The following DNAH12 variants were observed in gnomAD, a reference collection of about 807,000 sequenced individuals.
DNAH12 encodes dynein axonemal heavy chain 12.
In DNAH12, 285 loss-of-function variants were observed where a neutral mutation model predicts 371.5. That is an observed-to-expected ratio of 0.77 (90% CI 0.70 to 0.85). The LOEUF is 0.85. Among genes scored for constraint, DNAH12 ranks in the 40% least tolerant of loss-of-function variants. The pLI, the probability that DNAH12 is intolerant of heterozygous loss-of-function variation, is 0.00. For synonymous variants in DNAH12, 1,200 were observed against 1,213.0 expected (o/e 0.99, Z 0.22); for missense variants, 3,611 against 3,689.4 (o/e 0.98, Z 0.55).
chr3:57,311,678 G>C (rs1459499910), intron 66 of DNAH12, among the ~76,000 whole-genome samples: 1 of 152,170 alleles, frequency 6.6e-6, no homozygotes, highest in African/African-American at 2.4e-5. Flanking sequence ...CAATACACAG[G>C]AGAGCTGCCC....
intron 25 of DNAH12, among the ~76,000 whole-genome samples, chr3:57,448,104 A>G (rs562738218): frequency 6.6e-6 from 1 of 152,332 alleles, no homozygotes; most frequent in South Asian, 2.1e-4. Flanking sequence ...TGTGAATAAT[A>G]AATATACTAG....
intron 35 of DNAH12, among the ~76,000 whole-genome samples, chr3:57,423,822 AT>A (rs200911652): frequency 6.6e-6 from 1 of 150,860 alleles, no homozygotes; most frequent in African/African-American, 2.4e-5. Flanking sequence ...TCCTGGTTTT[AT>A]TTTTTTTTGA....
intron 17 of DNAH12, among the ~76,000 whole-genome samples, chr3:57,465,460 A>G (rs941215564): frequency 6.6e-6 from 1 of 152,208 alleles, no homozygotes; most frequent in Non-Finnish European, 1.5e-5. Flanking sequence ...CAAAGACATT[A>G]CAAGAAAACT....
intron 34 of DNAH12, chr3:57,428,278 C>G: frequency 1.1e-6 from 1 of 893,706 alleles, no homozygotes; most frequent in African/African-American, 1.9e-5. Context: ...CCCTGGGAAG[C>G]TAATACAATA....
intron 13 of DNAH12, among the ~76,000 whole-genome samples, chr3:57,477,905 A>G (rs2066593318): frequency 6.6e-6 from 1 of 152,226 alleles, no homozygotes; most frequent in South Asian, 2.1e-4. Context: ...AAGGACATCT[A>G]CACCAAAACC....
At chr3:57,324,636 T>A (rs975121359) in intron 62 of DNAH12, among the ~76,000 whole-genome samples, 1 of 152,098 alleles carries the variant, frequency 6.6e-6, no homozygotes, top group Non-Finnish European at 1.5e-5. Context: ...GCTCCCAGCG[T>A]GAGCCACGCA....
At chr3:57,450,250 T>TAAAA (rs58958877) in intron 25 of DNAH12, among the ~76,000 whole-genome samples, 8 of 98,580 alleles carry the variant, frequency 8.1e-5, no homozygotes, top group Admixed American at 1.1e-4. Context: ...TGTCTCAATT[T>TAAAA]AAAAAAAAAA....
chr3:57,553,485 C>T, the DNAH12 span, among the ~76,000 whole-genome samples: 6 of 152,086 alleles, frequency 3.9e-5, no homozygotes, highest in Non-Finnish European at 7.4e-5. Flanking sequence ...TGCAGAGTTG[C>T]GCCAGGGAGG....
Position 57,301,840 on chromosome 3 carries a change from T to C in DNAH12, c.11289A>G (p.Leu3763=). 6.4e-7 allele frequency: 1 copy of C among 1,551,650 alleles called. No individual in the cohort carries two copies. The highest frequency in any genetic ancestry group is 8.7e-7 in the Non-Finnish European group (1 of 1,146,992). Residue 3763 remains leucine, a synonymous_variant, in exon 70 of 74, where the codon TTA becomes TTG. Transcript: ENST00000495027. ...ATATTTCTGGAACCTTTCCAACAAGTAAGCTACCGGAGAGTGCCTCCAATG... is the reference window on the plus strand; with the variant it reads ...ATATTTCTGGAACCTTTCCAACAAGCAAGCTACCGGAGAGTGCCTCCAATG... ...DSALEALSGS[L]LVGKVPEIWA...
In DNAH12 at chr3:57,514,116, G is replaced by A. The variant is rs930094134; in HGVS notation, c.280-3137C>T. ...ATTAAGTTAAAAACAAAATGCGGCC[G>A]GGTGCAGTGGCTCACGCCTGTAATC... On this transcript the variant is annotated intron_variant, in intron 4 of 73. Transcript: ENST00000495027. 8.5e-5 allele frequency among the ~76,000 whole-genome samples: 13 copies of A among 152,112 alleles called. 1 individual carries two copies. The highest frequency in any genetic ancestry group is 4.1e-4 in the South Asian group (2 of 4,836).
intron 60 of DNAH12, among the ~76,000 whole-genome samples, chr3:57,340,580 G>A (rs1199743409): frequency 5.3e-5 from 8 of 151,986 alleles, no homozygotes; most frequent in East Asian, 1.9e-4. Flanking sequence ...TGACACATAC[G>A]ACCTATCAAG....
upstream of DNAH12, among the ~76,000 whole-genome samples, chr3:57,545,684 T>C (rs1472388709): frequency 6.6e-6 from 1 of 151,650 alleles, no homozygotes; most frequent in Non-Finnish European, 1.5e-5. Context: ...CATCCCCACA[T>C]AACATAAAAA....
At chr3:57,548,208 C>T (rs2069593880), upstream of DNAH12, among the ~76,000 whole-genome samples, 1 of 152,120 alleles carries the variant, frequency 6.6e-6, no homozygotes, top group African/African-American at 2.4e-5. Context: ...TTTTAAAACA[C>T]ATATTAATAA....
rs553786662 is a variant in DNAH12, at chr3:57,457,736, G to A, written c.3321C>T (p.Ile1107=). 2.2e-5 allele frequency: 34 copies of A among 1,549,562 alleles called. No individual in the cohort carries two copies. Among genetic ancestry groups the A allele is most frequent in the African/African-American group, 2.7e-5 (2 of 73,092 alleles). Reference sequence around the variant, plus strand: ...GGAAACACACCAGCCTGGCTGCAGCGATCACATCGTGAACACTCCGGAGCA... The same window carrying A: ...GGAAACACACCAGCCTGGCTGCAGCAATCACATCGTGAACACTCCGGAGCA... ...DLMLRSVHDV[I]AAARLAYPES... is the part of the protein sequence containing the mutation. Residue 1107 remains isoleucine, a synonymous_variant, in exon 22 of 74, where the codon ATC becomes ATT. Coordinates refer to ENST00000495027, the MANE Select transcript of DNAH12 (RefSeq NM_001366028.2).
intron 34 of DNAH12, among the ~76,000 whole-genome samples, chr3:57,427,232 C>G (rs189028683): frequency 6.7e-6 from 1 of 150,246 alleles, no homozygotes; most frequent in East Asian, 1.9e-4. Context: ...ATGTTCTAAC[C>G]TGAGGAACCT....
chr3:57,399,988 G>A (rs1240556754), intron 43 of DNAH12, among the ~76,000 whole-genome samples: 1 of 152,142 alleles, frequency 6.6e-6, no homozygotes, highest in African/African-American at 2.4e-5. Context: ...TGTTTTGGGG[G>A]AGTCAAAAGT....
At chr3:57,315,859 C>T (rs771847905) in intron 65 of DNAH12, among the ~76,000 whole-genome samples, 2 of 151,950 alleles carry the variant, frequency 1.3e-5, no homozygotes, top group East Asian at 1.9e-4. Context: ...TGTCTACAGG[C>T]GAAGAAGGCT....
Position 57,334,802 on chromosome 3 carries a change from A to C in DNAH12, c.9813T>G (p.Phe3271Leu). ...ATCACCTGAGTCCTCTGAAGGCAGG[A>C]AATTCACTTGCCCGACAGATTTCCT... ...SWEEICRASE[F>L]PAFRGLRQHF... is the part of the protein sequence containing the mutation. Residue 3271 changes from phenylalanine (F) to leucine (L), a missense_variant, in exon 61 of 74, where the codon TTT becomes TTG. Transcript: ENST00000495027. 4 of 1,551,508 alleles carry C rather than the reference A, an allele frequency of 2.6e-6. No individual in the cohort carries two copies. Among genetic ancestry groups the C allele is most frequent in the Non-Finnish European group, 3.5e-6 (4 of 1,146,964 alleles).
rs1192172300 is a variant in DNAH12, at chr3:57,293,891, T to C, written c.11773A>G (p.Thr3925Ala). ...KTSERKGTLS[T>A]TGHSTNFVIA... ...ACAAAGTTAGTAGAATGTCCCGTAGTGGAAAGAGTTCCTTTACGTTCACTT... is the reference window on the plus strand; with the variant it reads ...ACAAAGTTAGTAGAATGTCCCGTAGCGGAAAGAGTTCCTTTACGTTCACTT... Residue 3925 changes from threonine (T) to alanine (A), a missense_variant, in exon 74 of 74, where the codon ACT becomes GCT. This residue lies in a region of DNAH12 where 2,266 missense variants were observed against 2,236.9 expected (regional missense o/e 1.01). Coordinates refer to ENST00000495027, the MANE Select transcript of DNAH12 (RefSeq NM_001366028.2). 3 of 1,546,340 alleles carry C rather than the reference T, an allele frequency of 1.9e-6. No homozygotes were observed. Among genetic ancestry groups the C allele is most frequent in the Non-Finnish European group, 1.7e-6 (2 of 1,144,596 alleles).
Sources: allele counts gnomAD v4.1 joint callset (sites outside exome capture counted in the v4.1 genomes callset), GRCh38; gene constraint gnomAD v4.1.1; regional missense constraint gnomAD v4.1.1; transcripts MANE v1.5; gene names NCBI Gene and HGNC (gene_info 2026-07-23, HGNC 2026-07-21).